CARHSP1: variants seen among roughly 807,000 people sequenced by gnomAD.
The protein encoded by CARHSP1 is calcium regulated heat stable protein 1, also known as calcium-regulated heat-stable protein 1.
CARHSP1 carries 14 observed loss-of-function variants against 12.5 expected under a neutral mutation model. The observed-to-expected ratio is 1.12, with a 90% confidence interval of 0.74 to 1.75. CARHSP1 has a LOEUF of 1.75. Among genes scored for constraint, CARHSP1 ranks in the 40% most tolerant of loss-of-function variants. CARHSP1 has a pLI of 0.00. For missense variants in CARHSP1, 343 were observed against 201.6 expected (o/e 1.70, Z -4.25); for synonymous variants, 161 against 82.0 (o/e 1.96, Z -5.20).
At chr16:8,865,950 T>G (rs1383380267) in intron 1 of CARHSP1, among the ~76,000 whole-genome samples, 2 of 152,100 alleles carry the variant, frequency 1.3e-5, no homozygotes, top group East Asian at 3.9e-4. Flanking sequence ...CTGAGATTCT[T>G]CATTTCTTTT....
chr16:8,866,878 C>A (rs373463472), intron 1 of CARHSP1, among the ~76,000 whole-genome samples: 1 of 152,128 alleles, frequency 6.6e-6, no homozygotes, highest in African/African-American at 2.4e-5. Context: ...CTACGTCTGC[C>A]CAGAGCCCCC....
intron 1 of CARHSP1, 36 bp downstream of exon 1, chr16:8,868,930 G>C (rs1013189166): frequency 1.9e-4 from 29 of 152,252 alleles, no homozygotes; most frequent in Admixed American, 3.9e-4. Context: ...CGGGCCAGGG[G>C]CGCCTATCCT....
Position 8,859,209 on chromosome 16 carries a change from T to C in CARHSP1, c.120A>G (p.Pro40=). 1 of 1,602,078 alleles carries C rather than the reference T, an allele frequency of 6.2e-7. No individual in the cohort carries two copies. Among genetic ancestry groups the C allele is most frequent in the Non-Finnish European group, 8.5e-7 (1 of 1,175,862 alleles). The change falls in exon 2 of 4, where the codon CCA becomes CCG. Residue 40 remains proline (P), a synonymous_variant. Coordinates refer to ENST00000311052, the MANE Select transcript of CARHSP1 (RefSeq NM_014316.4). The part of the protein sequence containing the change: ...SPSPLRGNVV[P]SPLPTRRTRT... ...TCGTCCGGCGAGTGGGCAGTGGGCT[T>C]GGGACCACGTTGCCCCGCAGAGGGG...
In CARHSP1 at chr16:8,858,351, C is replaced by CAAAG; in HGVS notation, c.279_280insCTTT (p.Asp94LeufsTer2). On this transcript the variant is annotated frameshift_variant and splice_region_variant, in exon 3 of 4. Transcript: ENST00000311052. LOFTEE classifies it high-confidence loss of function. The stretch of plus-strand genomic sequence containing the variant: ...CACCCAGACCTGCCGCTGACTCACT[C>CAAAG]AGAGATGTGCAGGAAGATGTCGGGG... 1 of 1,613,602 alleles carries CAAAG rather than the reference C, an allele frequency of 6.2e-7. No homozygotes were observed. The highest frequency in any genetic ancestry group is 8.5e-7 in the Non-Finnish European group (1 of 1,179,954).
At chr16:8,860,316 T>A in intron 1 of CARHSP1, 1 of 985,244 alleles carries the variant, frequency 1.0e-6, no homozygotes, top group Non-Finnish European at 1.2e-6. Context: ...CACGCTGTTA[T>A]GAAATCAAAT....
In CARHSP1 at chr16:8,855,433, C is replaced by G. The variant is rs2061068273; in HGVS notation, c.282-107G>C. 13 of 1,006,284 alleles carry G rather than the reference C, an allele frequency of 1.3e-5. No homozygotes were observed. In the South Asian group the frequency reaches 2.0e-4, roughly 16 times the overall value. The allele number at this position is 1,006,284 out of a possible 1,614,324, so 62.3% of individuals were successfully genotyped here. A position where few individuals can be genotyped will look rare whatever the true frequency, so the allele number is the denominator to read the frequency against. ...ACACAGCCACCAAAGCAGGCACCATCTGACCAACCACCGGGAACCTCTTTC... is the reference window on the plus strand; with the variant it reads ...ACACAGCCACCAAAGCAGGCACCATGTGACCAACCACCGGGAACCTCTTTC... On this transcript the variant is annotated intron_variant, in intron 3 of 3. Coordinates refer to ENST00000311052, the MANE Select transcript of CARHSP1 (RefSeq NM_014316.4).
intron 3 of CARHSP1, chr16:8,858,038 C>T (rs1384946754): frequency 3.9e-5 from 12 of 311,320 alleles, no homozygotes; most frequent in Non-Finnish European, 3.0e-5. Context: ...GCTGGGATTA[C>T]AGGCGTGAGC....
intron 2 of CARHSP1, 132 bp from the exon 3 acceptor site, chr16:8,858,604 G>A (rs986204811): frequency 3.6e-6 from 4 of 1,121,298 alleles, no homozygotes; most frequent in Non-Finnish European, 5.0e-6. Context: ...CACAGGCTGA[G>A]GACTGCACAA....
Position 8,854,903 on chromosome 16 carries a change from T to TG in CARHSP1, c.*260dup, listed in dbSNP as rs2061046995. 2 of 314,556 alleles carry TG rather than the reference T, an allele frequency of 6.4e-6. No individual in the cohort carries two copies. The highest frequency in any genetic ancestry group is 1.2e-5 in the Non-Finnish European group (2 of 172,612). 19.5% of individuals were successfully genotyped at this position (314,556 alleles called of 1,614,324 possible). Reference sequence around the variant, plus strand: ...GTTGGAACCTCCACTCAGCCACCAGTGGGCACCTCTCCTTTTTAAATGCTT... The same window carrying TG: ...GTTGGAACCTCCACTCAGCCACCAGTGGGGCACCTCTCCTTTTTAAATGCTT... On this transcript the variant is annotated 3_prime_UTR_variant, in exon 4 of 4. Transcript: ENST00000311052.
Position 8,855,110 on chromosome 16 carries a change from T to A in CARHSP1, c.*54A>T. The A allele has an allele frequency of 7.1e-7, 1 of 1,414,700 alleles. No homozygotes were observed. Among genetic ancestry groups the A allele is most frequent in the Non-Finnish European group, 9.4e-7 (1 of 1,061,256 alleles). The allele number at this position is 1,414,700 out of a possible 1,614,324, so 87.6% of individuals were successfully genotyped here. A position where few individuals can be genotyped will look rare whatever the true frequency, so the allele number is the denominator to read the frequency against. ...AATGTCATCTCCAGTGTCTGCTGCC[T>A]CCTCCCTGCAAAGTCTCCCACAAGC... On this transcript the variant is annotated 3_prime_UTR_variant, in exon 4 of 4. Transcript: ENST00000311052.
chr16:8,854,893 C>CA lies in CARHSP1; in HGVS notation c.*270dup, dbSNP rs1272565079. 2 of 295,648 alleles carry CA rather than the reference C, an allele frequency of 6.8e-6. No homozygotes were observed. Among genetic ancestry groups the CA allele is most frequent in the African/African-American group, 4.3e-5 (2 of 46,246 alleles). The allele number at this position is 295,648 out of a possible 1,614,324, so 18.3% of individuals were successfully genotyped here. ...CTGGGATGGGGTTGGAACCTCCACT[C>CA]AGCCACCAGTGGGCACCTCTCCTTT... On this transcript the variant is annotated 3_prime_UTR_variant, in exon 4 of 4. Coordinates refer to ENST00000311052, the MANE Select transcript of CARHSP1 (RefSeq NM_014316.4).
Position 8,855,211 on chromosome 16 carries a change from G to C in CARHSP1, c.397C>G (p.Pro133Ala), listed in dbSNP as rs769814703. The C allele has an allele frequency of 1.2e-6, 2 of 1,612,704 alleles. No homozygotes were observed. The highest frequency in any genetic ancestry group is 4.5e-5 in the East Asian group (2 of 44,766). ...GACCAGGTCTCATGCTTGGTGCCTG[G>C]TGCCAGGTGAGTGATGACGACCTCC... ...AVEVVITHLA[P>A]GTKHETWSGH... The change falls in exon 4 of 4, where the codon CCA (proline) becomes GCA (alanine). Residue 133 changes from proline (P) to alanine (A), a missense_variant. Coordinates refer to ENST00000311052, the MANE Select transcript of CARHSP1 (RefSeq NM_014316.4).
chr16:8,855,061 C>A lies in CARHSP1; in HGVS notation c.*103G>T, dbSNP rs1487467007. 5.7e-6 allele frequency: 6 copies of A among 1,056,592 alleles called. No individual in the cohort carries two copies. Among genetic ancestry groups the A allele is most frequent in the Non-Finnish European group, 7.7e-6 (6 of 778,110 alleles). 65.5% of individuals were successfully genotyped at this position (1,056,592 alleles called of 1,614,324 possible). The stretch of plus-strand genomic sequence containing the variant: ...GATACTTGAGAGGGACCATGCCCGG[C>A]TGAAGCCCCGTCTCGTGTGGAAGAA... On this transcript the variant is annotated 3_prime_UTR_variant, in exon 4 of 4. Transcript: ENST00000311052.
intron 1 of CARHSP1, among the ~76,000 whole-genome samples, chr16:8,865,957 T>C (rs530709046): frequency 3.9e-5 from 6 of 152,278 alleles, no homozygotes; most frequent in African/African-American, 1.2e-4. Context: ...TCTTCATTTC[T>C]TTTTTATTTT....
chr16:8,856,430 G>C (rs971747135), intron 3 of CARHSP1, among the ~76,000 whole-genome samples: 11 of 152,200 alleles, frequency 7.2e-5, no homozygotes, highest in African/African-American at 2.2e-4. Flanking sequence ...TCCAGCAGCA[G>C]AACCAGACAT....
At chr16:8,857,223 A>C (rs1273612262) in intron 3 of CARHSP1, among the ~76,000 whole-genome samples, 1 of 127,826 alleles carries the variant, frequency 7.8e-6, no homozygotes, top group South Asian at 2.5e-4. Flanking sequence ...CCCCAGATCC[A>C]TTTCCATCAC....
At chr16:8,858,902 C>A in intron 2 of CARHSP1, 1 of 439,540 alleles carries the variant, frequency 2.3e-6, no homozygotes, top group Admixed American at 3.8e-5. Flanking sequence ...ACCAGACTCT[C>A]ATGTGTGGTT....
intron 1 of CARHSP1, chr16:8,861,932 G>T: frequency 2.4e-6 from 1 of 414,514 alleles, no homozygotes; most frequent in Non-Finnish European, 3.4e-6. Flanking sequence ...ACACTGCCCT[G>T]CCTTGTTCTA....
Position 8,855,142 on chromosome 16 carries a change from C to G in CARHSP1, c.*22G>C, listed in dbSNP as rs746072869. On this transcript the variant is annotated 3_prime_UTR_variant, in exon 4 of 4. Coordinates refer to ENST00000311052, the MANE Select transcript of CARHSP1 (RefSeq NM_014316.4). ...TGCAAAGTCTCCCACAAGCACAGGACAAGGGGTGCTTCCACCATCTCCTAG... is the reference window on the plus strand; with the variant it reads ...TGCAAAGTCTCCCACAAGCACAGGAGAAGGGGTGCTTCCACCATCTCCTAG... The G allele has an allele frequency of 2.1e-5, 32 of 1,559,636 alleles. No homozygotes were observed. The highest frequency in any genetic ancestry group is 2.6e-5 in the Non-Finnish European group (30 of 1,147,982).
Sources: allele counts gnomAD v4.1 joint callset (sites outside exome capture counted in the v4.1 genomes callset), GRCh38; gene constraint gnomAD v4.1.1; transcripts MANE v1.5; gene names NCBI Gene and HGNC (gene_info 2026-07-23, HGNC 2026-07-21).